AAAS: variants seen among roughly 807,000 people sequenced by gnomAD.
The protein encoded by AAAS is aladin WD repeat nucleoporin, also known as aladin.
A neutral mutation model predicts 75.6 loss-of-function variants in AAAS; 60 were observed. The observed-to-expected ratio is 0.79, with a 90% CI of 0.64 to 0.98. The LOEUF is 0.98. AAAS is among the 50% of genes least tolerant of loss of function. AAAS has a pLI of 0.00. For missense variants in AAAS, 658 were observed against 686.9 expected (o/e 0.96, Z 0.47); for synonymous variants, 271 against 265.0 (o/e 1.02, Z -0.22).
At chr12:53,320,771 C>T (rs1361893279) in intron 1 of AAAS, 79 bp from the exon 2 acceptor site, 20 of 1,527,524 alleles carry the variant, frequency 1.3e-5, no homozygotes, top group Non-Finnish European at 1.8e-5. Context: ...TCCAACCCAC[C>T]GCTGGGCTAA....
At chr12:53,318,675 AAG>A (rs1336040339) in intron 2 of AAAS, among the ~76,000 whole-genome samples, 43 of 152,290 alleles carry the variant, frequency 2.8e-4, no homozygotes, top group Admixed American at 3.3e-4. Flanking sequence ...TCATTCCTTA[AAG>A]TGAACCATCC....
chr12:53,318,275 A>C (rs1336873729), intron 2 of AAAS, among the ~76,000 whole-genome samples: 1 of 64,918 alleles, frequency 1.5e-5, no homozygotes, highest in African/African-American at 5.0e-5. Flanking sequence ...TGTGTGTGTT[A>C]AGACGGAGTC....
chr12:53,308,182 C>G (rs757120501), intron 13 of AAAS, 49 bp from the exon 14 acceptor site: 5 of 1,608,926 alleles, frequency 3.1e-6, no homozygotes, highest in Non-Finnish European at 4.3e-6. Flanking sequence ...AAGGCAGAGT[C>G]CCAGGACATG....
At chr12:53,313,611 A>G (rs1440122207) in intron 7 of AAAS, among the ~76,000 whole-genome samples, 1 of 137,364 alleles carries the variant, frequency 7.3e-6, no homozygotes, top group Non-Finnish European at 1.6e-5. Flanking sequence ...TTTATTCATA[A>G]TTTTTTTTTT....
At chr12:53,321,309 G>C in intron 1 of AAAS, 34 bp downstream of exon 1, 1 of 1,603,876 alleles carries the variant, frequency 6.2e-7, no homozygotes. Flanking sequence ...CCGCCCCCAT[G>C]CCTGTAGGTC....
At position 53,308,074 on chromosome 12, in the gene AAAS, G is replaced by T; in HGVS notation, c.1309C>A (p.Pro437Thr). ...VILLFRTRNS[P>T]VFELLPCGII... ...TACCAGGGAAGGAGCTCAAACACAGGGCTGTTTCGAGTGCGAAAAAGGAGG... is the reference window on the plus strand; with the variant it reads ...TACCAGGGAAGGAGCTCAAACACAGTGCTGTTTCGAGTGCGAAAAAGGAGG... The change falls in exon 14 of 16, where the codon CCT (proline) becomes ACT (threonine). Residue 437 changes from proline (P) to threonine (T), a missense_variant. Coordinates refer to ENST00000209873, the MANE Select transcript of AAAS (RefSeq NM_015665.6). 6.2e-7 allele frequency: 1 copy of T among 1,614,206 alleles called. No homozygotes were observed. The highest frequency in any genetic ancestry group is 8.5e-7 in the Non-Finnish European group (1 of 1,180,034).
rs761222383 is a variant in AAAS at position 53,308,286 on chromosome 12, CATAA to C, written c.1241_1244del (p.Leu414ArgfsTer136). On this transcript the variant is annotated frameshift_variant, in exon 13 of 16. Transcript: ENST00000209873. LOFTEE classifies it high-confidence loss of function. ...CCCTTCATCCTTGCCTCTCACCTTT[CATAA>C]GCACAGCCAGACGTTCCCCACTGGG... The C allele has an allele frequency of 6.2e-7, 1 of 1,614,112 alleles. No homozygotes were observed. Among genetic ancestry groups the C allele is most frequent in the African/African-American group, 1.3e-5 (1 of 74,940 alleles).
rs753933300 is a variant in AAAS at position 53,307,873 on chromosome 12, G to A, written c.1388C>T (p.Ser463Phe). 4 of 1,614,230 alleles carry A rather than the reference G, an allele frequency of 2.5e-6. No homozygotes were observed. The highest frequency in any genetic ancestry group is 2.7e-5 in the African/African-American group (2 of 75,066). ...ACTGAGCAGGGCCCCTTTGTTGAAG[G>A]AAGGATGGAAAGTGATGAGCTGGGG... ...AQPQLITFHP[S>F]FNKGALLSVG... Residue 463 changes from serine (S) to phenylalanine (F), a missense_variant, in exon 15 of 16, where the codon TCC becomes TTC. By Grantham distance (155) the Ser-to-Phe change is radical. Coordinates refer to ENST00000209873, the MANE Select transcript of AAAS (RefSeq NM_015665.6).
At chr12:53,312,162 G>A (rs1026850888) in intron 7 of AAAS, among the ~76,000 whole-genome samples, 5 of 151,042 alleles carry the variant, frequency 3.3e-5, no homozygotes, top group Non-Finnish European at 3.0e-5. Context: ...GCAGTGAGCC[G>A]AGATTGCACC....
chr12:53,320,721 G>A (rs768782161), intron 1 of AAAS, 29 bp from the exon 2 acceptor site: 30 of 1,612,720 alleles, frequency 1.9e-5, no homozygotes, highest in Non-Finnish European at 2.5e-5. Flanking sequence ...GAGTGTGACG[G>A]TGATTCAGTC....
rs1565784725 is a variant in AAAS, at chr12:53,320,668, G to A, written c.148C>T (p.Leu50=). ...GGGGTCTTTAGGGGATCCTTTGTCA[G>A]TTGTAGGACAGGAAGATTGATCCAC... ...GQWINLPVLQ[L]TKDPLKTPGR... Residue 50 remains leucine (L), a synonymous_variant, in exon 2 of 16, where the codon CTG becomes TTG. Transcript: ENST00000209873. 2 of 1,614,150 alleles carry A rather than the reference G, an allele frequency of 1.2e-6. No individual in the cohort carries two copies. The highest frequency in any genetic ancestry group is 1.7e-6 in the Non-Finnish European group (2 of 1,180,000).
intron 1 of AAAS, 22 bp from the exon 2 acceptor site, chr12:53,320,714 T>C (rs982417828): frequency 1.9e-6 from 3 of 1,613,148 alleles, no homozygotes; most frequent in Non-Finnish European, 2.5e-6. Flanking sequence ...AAGTGAGGAG[T>C]GTGACGGTGA....
chr12:53,309,426 A>G (rs1247053996), intron 8 of AAAS, 145 bp from the exon 9 acceptor site: 3 of 1,509,490 alleles, frequency 2.0e-6, no homozygotes, highest in Non-Finnish European at 1.8e-6. Flanking sequence ...CATGCTGACA[A>G]TTACAGACAG....
rs779944144 is a variant in AAAS at position 53,315,196 on chromosome 12, A to G, written c.400-56T>C. The G allele has an allele frequency of 3.1e-6, 5 of 1,605,228 alleles. No homozygotes were observed. In the African/African-American group the frequency reaches 5.4e-5, roughly 17 times the overall value. On this transcript the variant is annotated intron_variant, in intron 4 of 15. Coordinates refer to ENST00000209873, the MANE Select transcript of AAAS (RefSeq NM_015665.6). ...TGGGGCAAAAGGAGTCCATCTCCTC[A>G]ATATTCCAACAGGGGAGCTGGACCA...
Position 53,308,667 on chromosome 12 carries a change from C to G in AAAS, c.1087+58G>C, listed in dbSNP as rs1445561098. 4 of 1,605,686 alleles carry G rather than the reference C, an allele frequency of 2.5e-6. No individual in the cohort carries two copies. In the East Asian group the frequency reaches 8.9e-5, roughly 36 times the overall value. On this transcript the variant is annotated intron_variant, in intron 11 of 15. Transcript: ENST00000209873. ...CTTTATCCCTCAGAGCTGCATCTTA[C>G]CAAAGGTTGCTGCCTCCCTCTGACC...
chr12:53,312,829 C>T (rs7398220), intron 7 of AAAS, among the ~76,000 whole-genome samples: 134,148 of 145,312 alleles, frequency 0.92, 62,574 homozygotes, highest in Non-Finnish European at 0.98. Context: ...ATATATAAAA[C>T]ATATATGTGT....
chr12:53,308,539 A>G lies in AAAS; in HGVS notation c.1088-11T>C. On this transcript the variant is annotated splice_polypyrimidine_tract_variant and intron_variant, in intron 11 of 15. Coordinates refer to ENST00000209873, the MANE Select transcript of AAAS (RefSeq NM_015665.6). ...ACCCCTTTCCCTCACCTGTGGACAA[A>G]TAAGAGCAGAGAGGTTCTTGCAAGA... The G allele has an allele frequency of 1.2e-6, 2 of 1,614,078 alleles. No individual in the cohort carries two copies. Among genetic ancestry groups the G allele is most frequent in the Admixed American group, 1.7e-5 (1 of 60,016 alleles).
At position 53,314,450 on chromosome 12, in the gene AAAS, A is replaced by T; in HGVS notation, c.546-9T>A. ...GGGAGGGGACTATGGTGCTAGGGTG[A>T]AGGGGCAGGAAACTGAGTCAAGGCA... On this transcript the variant is annotated splice_polypyrimidine_tract_variant and intron_variant, in intron 6 of 15. Transcript: ENST00000209873. The T allele has an allele frequency of 1.9e-6, 3 of 1,613,892 alleles. No individual in the cohort carries two copies. The highest frequency in any genetic ancestry group is 2.5e-6 in the Non-Finnish European group (3 of 1,180,008).
At chr12:53,309,989 GC>G in intron 7 of AAAS, 1 of 523,274 alleles carries the variant, frequency 1.9e-6, no homozygotes, top group Non-Finnish European at 3.4e-6. Context: ...CACGAGATAG[GC>G]CATGAGGCAA....
Sources: gnomAD v4.1 joint callset for allele counts (sites outside exome capture counted in the v4.1 genomes callset) on GRCh38, gnomAD v4.1.1 for gene constraint, MANE v1.5 for transcripts, NCBI Gene and HGNC (gene_info 2026-07-23, HGNC 2026-07-21) for gene names.